CPED1: variants seen among roughly 807,000 people sequenced by gnomAD.
The protein encoded by CPED1 is cadherin-like and PC-esterase domain-containing protein 1.
A neutral mutation model predicts 128.2 loss-of-function variants in CPED1; 114 were observed. The ratio of observed to expected loss-of-function variants is 0.89; its 90% CI spans 0.76 to 1.04. The LOEUF is 1.04. Among genes scored for constraint, CPED1 ranks in the 50% least tolerant of loss-of-function variants. CPED1 has a pLI of 0.00. For synonymous variants in CPED1, 462 were observed against 426.7 expected, an observed-to-expected ratio of 1.08 and a Z score of -1.02; for missense variants, 1,211 against 1,207.1, an observed-to-expected ratio of 1.00 and a Z score of -0.05.
At position 121,153,162 on chromosome 7, in the gene CPED1, A is replaced by G. The variant is rs77565736; in HGVS notation, c.2055+11021A>G. Among the ~76,000 whole-genome samples, 34 of 152,294 alleles carry G rather than the reference A, an allele frequency of 2.2e-4. 1 individual carries two copies. In the East Asian group the frequency reaches 6.4e-3, roughly 28 times the overall value. ...ATTAGTAGCAAAGGATAAAGATATT[A>G]CCTATGTTTTATCAGGAATGAGGCA... On this transcript the variant is annotated intron_variant, in intron 16 of 22. Transcript: ENST00000310396.
At chr7:120,998,667 G>A (rs1345826751) in intron 2 of CPED1, among the ~76,000 whole-genome samples, 2 of 152,112 alleles carry the variant, frequency 1.3e-5, no homozygotes, top group African/African-American at 4.8e-5. Context: ...GCTTTGTTGA[G>A]TTTCTCTCTC....
intron 3 of CPED1, among the ~76,000 whole-genome samples, chr7:121,026,498 A>G (rs1486638825): frequency 5.3e-5 from 8 of 152,112 alleles, no homozygotes; most frequent in Admixed American, 2.0e-4. Context: ...TTCCCCTGCC[A>G]TGGGGTCAGA....
chr7:121,087,247 A>T (rs1794447449), intron 5 of CPED1, among the ~76,000 whole-genome samples: 1 of 152,108 alleles, frequency 6.6e-6, no homozygotes, highest in South Asian at 2.1e-4. Flanking sequence ...ATTTTTTGCC[A>T]AATTCAGTTT....
intron 22 of CPED1, among the ~76,000 whole-genome samples, chr7:121,282,724 T>C (rs1021524505): frequency 2.0e-5 from 3 of 152,218 alleles, no homozygotes; most frequent in Non-Finnish European, 4.4e-5. Flanking sequence ...CTTTTGAATG[T>C]ACTAAGGAAC....
chr7:121,269,144 A>G (rs567490239), intron 21 of CPED1, among the ~76,000 whole-genome samples: 16 of 152,112 alleles, frequency 1.1e-4, no homozygotes, highest in African/African-American at 3.6e-4. Context: ...GTAATTCTCC[A>G]ACCCTTTGTC....
intron 16 of CPED1, among the ~76,000 whole-genome samples, chr7:121,189,624 T>C (rs1397206129): frequency 2.6e-5 from 4 of 151,580 alleles, no homozygotes; most frequent in Admixed American, 2.0e-4. Flanking sequence ...GTTAAAAAAA[T>C]TAATTTAACC....
rs766604756 is a variant in CPED1, at chr7:121,125,878, C to T, written c.1120C>T (p.Pro374Ser). The T allele has an allele frequency of 6.2e-7, 1 of 1,612,236 alleles. No individual in the cohort carries two copies. Among genetic ancestry groups the T allele is most frequent in the Non-Finnish European group, 8.5e-7 (1 of 1,178,478 alleles). Residue 374 changes from proline to serine, a missense_variant, in exon 9 of 23, where the codon CCT (proline) becomes TCT (serine). By Grantham distance (74) the Pro-to-Ser change is moderately conservative. Coordinates refer to ENST00000310396, the MANE Select transcript of CPED1 (RefSeq NM_024913.5). ...TATTGGTTATGGCAGTTTCATGTAC[C>T]CTGTAGTGCTCCAGGTCAGTATGCC... is the stretch of plus-strand genomic sequence containing the variant. ...FDIGYGSFMY[P>S]VVLQVHEHLN...
At chr7:121,003,672 T>C (rs1204647736) in intron 2 of CPED1, among the ~76,000 whole-genome samples, 1 of 152,128 alleles carries the variant, frequency 6.6e-6, no homozygotes, top group African/African-American at 2.4e-5. Flanking sequence ...GTGCAGCATC[T>C]GGCAACATGA....
At chr7:121,005,064 T>A (rs1357541516) in intron 2 of CPED1, among the ~76,000 whole-genome samples, 1 of 152,212 alleles carries the variant, frequency 6.6e-6, no homozygotes, top group Admixed American at 6.5e-5. Flanking sequence ...ATATAAACAC[T>A]ACCTTTTTGT....
At chr7:121,094,227 A>G (rs1053656147) in intron 5 of CPED1, among the ~76,000 whole-genome samples, 2 of 152,216 alleles carry the variant, frequency 1.3e-5, no homozygotes, top group Non-Finnish European at 2.9e-5. Flanking sequence ...AATGCTGGCT[A>G]AATCTAATTT....
rs548143450 is a variant in CPED1, at chr7:121,250,668, C to T, written c.2310+6330C>T. Among the ~76,000 whole-genome samples the T allele has an allele frequency of 2.5e-3, 388 of 152,218 alleles. 1 individual carries two copies. Among genetic ancestry groups the T allele is most frequent in the African/African-American group, 8.8e-3 (364 of 41,536 alleles). Reference sequence around the variant, plus strand: ...TCGATCCCACAGAAATACAAACTACCATCAGAGAATACTATAAACACCTCT... The same window carrying T: ...TCGATCCCACAGAAATACAAACTACTATCAGAGAATACTATAAACACCTCT... On this transcript the variant is annotated intron_variant, in intron 18 of 22. Transcript: ENST00000310396.
rs768532785 is a variant in CPED1 at position 121,015,645 on chromosome 7, T to C, written c.250-20T>C. The C allele has an allele frequency of 1.9e-6, 3 of 1,588,494 alleles. No homozygotes were observed. Among genetic ancestry groups the C allele is most frequent in the Admixed American group, 1.9e-5 (1 of 53,108 alleles). On this transcript the variant is annotated intron_variant, in intron 2 of 22. Coordinates refer to ENST00000310396, the MANE Select transcript of CPED1 (RefSeq NM_024913.5). ...ATGTACTACTTTTTTATATTGAATT[T>C]TTATGCCTTCTTTTCTTAGGTCAAA... is the stretch of plus-strand genomic sequence containing the variant.
intron 16 of CPED1, among the ~76,000 whole-genome samples, chr7:121,188,600 A>G (rs1797057382): frequency 6.6e-6 from 1 of 152,154 alleles, no homozygotes; most frequent in Non-Finnish European, 1.5e-5. Flanking sequence ...AAACTAAAAG[A>G]TTCCAAAACT....
chr7:121,229,718 C>T (rs942005444), intron 16 of CPED1, among the ~76,000 whole-genome samples: 3 of 151,900 alleles, frequency 2.0e-5, no homozygotes, highest in Non-Finnish European at 4.4e-5. Flanking sequence ...AGCTAAAATT[C>T]CCTAACACAA....
intron 16 of CPED1, among the ~76,000 whole-genome samples, chr7:121,142,894 A>G (rs971733869): frequency 2.6e-5 from 4 of 151,992 alleles, no homozygotes; most frequent in Non-Finnish European, 5.9e-5. Context: ...CAAATATATC[A>G]TGTCACATTA....
intron 2 of CPED1, among the ~76,000 whole-genome samples, chr7:120,995,062 G>A (rs1043569601): frequency 2.6e-5 from 4 of 152,116 alleles, no homozygotes; most frequent in African/African-American, 9.7e-5. Flanking sequence ...GCGAACATGT[G>A]TAGAACTAAT....
chr7:121,111,848 C>A (rs1795119585), intron 7 of CPED1, among the ~76,000 whole-genome samples: 1 of 152,176 alleles, frequency 6.6e-6, no homozygotes, highest in African/African-American at 2.4e-5. Flanking sequence ...TTGAATCAGT[C>A]AGCTTTTGCA....
intron 7 of CPED1, among the ~76,000 whole-genome samples, chr7:121,110,860 G>A (rs1427552219): frequency 6.6e-6 from 1 of 152,138 alleles, no homozygotes; most frequent in African/African-American, 2.4e-5. Flanking sequence ...GCCATTCAGG[G>A]GTCCAGATGA....
At chr7:121,057,349 T>C (rs1041463069) in intron 4 of CPED1, among the ~76,000 whole-genome samples, 1 of 152,178 alleles carries the variant, frequency 6.6e-6, no homozygotes, top group Non-Finnish European at 1.5e-5. Flanking sequence ...TACATGGGTA[T>C]ATTGTATAAT....
Sources: allele counts gnomAD v4.1 joint callset (sites outside exome capture counted in the v4.1 genomes callset), GRCh38; gene constraint gnomAD v4.1.1; transcripts MANE v1.5; gene names NCBI Gene and HGNC (gene_info 2026-07-23, HGNC 2026-07-21).